Variants in C22orf15 observed in about 807,000 individuals in gnomAD.
C22orf15 encodes chromosome 22 open reading frame 15, also known as uncharacterized protein C22orf15.
Under a neutral mutation model 20.3 loss-of-function variants are expected in C22orf15, and 21 were observed. The observed-to-expected ratio is 1.04, with a 90% CI of 0.74 to 1.49. C22orf15 has a LOEUF of 1.49. C22orf15 is among the 40% of genes most tolerant of loss of function. The probability of loss-of-function intolerance (pLI) is 0.00; values close to 1 mark genes in which losing one functional copy is unlikely to be tolerated. For missense variants in C22orf15, 170 were observed against 191.1 expected (o/e 0.89, Z 0.65); for synonymous variants, 78 against 75.4 (o/e 1.03, Z -0.18).
At position 23,764,668 on chromosome 22, in the gene C22orf15, G is replaced by A. The variant is rs1926421441; in HGVS notation, c.280G>A (p.Glu94Lys). The change falls in exon 4 of 6, where the codon GAG (glutamate) becomes AAG (lysine). Residue 94 changes from glutamate (E) to lysine (K), a missense_variant. Physicochemically the swap from Glu to Lys is moderately conservative, Grantham distance 56. Coordinates refer to ENST00000402217, the MANE Select transcript of C22orf15 (RefSeq NM_182520.3). Reference protein sequence around the residue: ...KGEDMASTRYESLLENLDDHY... With the variant: ...KGEDMASTRYKSLLENLDDHY... ...AGAGGACATGGCCTCCACCCGCTATGAGTCCCTATTGGAGAACCTGGATGA... is the reference window on the plus strand; with the variant it reads ...AGAGGACATGGCCTCCACCCGCTATAAGTCCCTATTGGAGAACCTGGATGA... 1.2e-6 allele frequency: 2 copies of A among 1,614,066 alleles called. No individual in the cohort carries two copies. Among genetic ancestry groups the A allele is most frequent in the South Asian group, 2.2e-5 (2 of 91,096 alleles).
At chr22:23,765,268 C>A in intron 5 of C22orf15, 1 of 1,508,144 alleles carries the variant, frequency 6.6e-7, no homozygotes, top group Admixed American at 2.1e-5. Context: ...GTTTGAAGGG[C>A]TTGTTCTTCC....
At chr22:23,763,861 G>GAGTCACCACACATGGGAGAAA (rs1394833120) in intron 1 of C22orf15, among the ~76,000 whole-genome samples, 5 of 152,244 alleles carry the variant, frequency 3.3e-5, no homozygotes, top group African/African-American at 7.2e-5. Context: ...CAACACTTGG[G>GAGTCACCACACATGGGAGAAA]AGTCACCACA....
At chr22:23,765,122 G>T (rs944746515) in intron 5 of C22orf15, 3 of 1,434,880 alleles carry the variant, frequency 2.1e-6, no homozygotes, top group East Asian at 5.0e-5. Flanking sequence ...GAGTGCCAGC[G>T]CACTAAGGGC....
rs1005004159 is a variant in C22orf15 at position 23,764,217 on chromosome 22, C to T, written c.113-43C>T. The T allele has an allele frequency of 6.4e-6, 10 of 1,551,446 alleles. No individual in the cohort carries two copies. The African/African-American group carries it at 1.4e-4, about 21-fold the overall frequency. On this transcript the variant is annotated intron_variant, in intron 2 of 5. Transcript: ENST00000402217. ...GAAGGAGGGGCTGAGGGGTCCCAGG[C>T]AGGGGTGCCAGCCCTGCCCAGTCTC...
chr22:23,764,247 C>A lies in C22orf15; in HGVS notation c.113-13C>A, dbSNP rs1322517490. 1 of 1,551,616 alleles carries A rather than the reference C, an allele frequency of 6.4e-7. No individual in the cohort carries two copies. The highest frequency in any genetic ancestry group is 1.2e-5 in the South Asian group (1 of 84,064). On this transcript the variant is annotated splice_polypyrimidine_tract_variant and intron_variant, in intron 2 of 5. Coordinates refer to ENST00000402217, the MANE Select transcript of C22orf15 (RefSeq NM_182520.3). ...GTGCCAGCCCTGCCCAGTCTCTCTC[C>A]ATGTCCTCCCAGCGACCATTGCTCT...
In C22orf15 at chr22:23,764,389, G is replaced by T; in HGVS notation, c.242G>T (p.Arg81Leu). The change falls in exon 3 of 6, where the codon CGG (arginine) becomes CTG (leucine). Residue 81 changes from arginine (R) to leucine (L), a missense_variant. Transcript: ENST00000402217. ...GAGCGAGCCATATATGTCCTCGTTC[G>T]GATCATCAGTAAGGTGGCCCAAGGT... ...LKERAIYVLV[R>L]IIKGEDMAST... 1 of 1,559,422 alleles carries T rather than the reference G, an allele frequency of 6.4e-7. No individual in the cohort carries two copies. Among genetic ancestry groups the T allele is most frequent in the East Asian group, 2.4e-5 (1 of 41,256 alleles).
At chr22:23,764,962 T>C (rs1199774820) in intron 5 of C22orf15, 60 bp downstream of exon 5, 5 of 1,553,258 alleles carry the variant, frequency 3.2e-6, no homozygotes, top group Middle Eastern at 1.7e-4. Context: ...ACAGAGCAGA[T>C]TTGGACATCC....
Position 23,763,048 on chromosome 22 carries a change from G to A in C22orf15, c.-259G>A. ...CTTGGAAGCTTAGGGGAGCTGCTGT[G>A]GCCCAGGGCTCAGTGGGGAGGAAGA... On this transcript the variant is annotated 5_prime_UTR_variant, in exon 1 of 6. Transcript: ENST00000402217. 1.9e-6 allele frequency: 1 copy of A among 518,390 alleles called. No individual in the cohort carries two copies. The highest frequency in any genetic ancestry group is 3.3e-6 in the Non-Finnish European group (1 of 298,816). 32.1% of individuals were successfully genotyped at this position (518,390 alleles called of 1,614,324 possible).
Position 23,763,454 on chromosome 22 carries a change from G to A in C22orf15, c.25+123G>A, listed in dbSNP as rs1450185838. The A allele has an allele frequency of 1.0e-5, 11 of 1,099,470 alleles. No homozygotes were observed. In the East Asian group the frequency reaches 2.2e-4, roughly 22 times the overall value. 68.1% of individuals were successfully genotyped at this position (1,099,470 alleles called of 1,614,324 possible). A position where few individuals can be genotyped will look rare whatever the true frequency, so the allele number is the denominator to read the frequency against. ...GGGAAAGGGGGGTGGTGCACATGGC[G>A]GGGGTCGTCGGGGAAGCGGCTCTGT... On this transcript the variant is annotated intron_variant, in intron 1 of 5. Transcript: ENST00000402217.
Position 23,764,074 on chromosome 22 carries a change from C to T in C22orf15, c.26-13C>T, listed in dbSNP as rs1261336943. On this transcript the variant is annotated splice_polypyrimidine_tract_variant and intron_variant, in intron 1 of 5. Coordinates refer to ENST00000402217, the MANE Select transcript of C22orf15 (RefSeq NM_182520.3). The stretch of plus-strand genomic sequence containing the variant: ...AAGAGATCTCACAGGCTCACCTTTG[C>T]CCCTCTCCACAGCTGGCTGCTCGGT... 1 of 1,549,932 alleles carries T rather than the reference C, an allele frequency of 6.5e-7. No individual in the cohort carries two copies. The highest frequency in any genetic ancestry group is 2.4e-5 in the East Asian group (1 of 40,918).
At chr22:23,763,434 AG>A (rs371698198) in intron 1 of C22orf15, 103 bp downstream of exon 1, 11 of 801,096 alleles carry the variant, frequency 1.4e-5, no homozygotes, top group South Asian at 1.9e-5. Context: ...ATGGCGGGAA[AG>A]GGGGGTGGTG....
At position 23,764,185 on chromosome 22, in the gene C22orf15, G is replaced by C; in HGVS notation, c.112+12G>C. 1 of 1,551,702 alleles carries C rather than the reference G, an allele frequency of 6.4e-7. No individual in the cohort carries two copies. The highest frequency in any genetic ancestry group is 8.7e-7 in the Non-Finnish European group (1 of 1,146,976). The stretch of plus-strand genomic sequence containing the variant: ...GTTGCCCCCAGATGGTGAGGAGACA[G>C]GGAGGAGAAGGAGGGGCTGAGGGGT... On this transcript the variant is annotated intron_variant, in intron 2 of 5. Transcript: ENST00000402217.
chr22:23,765,567 G>A (rs1926660947), intron 5 of C22orf15, 154 bp from the exon 6 acceptor site: 7 of 1,528,640 alleles, frequency 4.6e-6, no homozygotes, highest in African/African-American at 1.4e-5. Flanking sequence ...TGATAAGGGG[G>A]AGACCATGGG....
intron 5 of C22orf15, chr22:23,765,307 C>T (rs1926593883): frequency 1.3e-6 from 2 of 1,540,308 alleles, no homozygotes; most frequent in East Asian, 2.5e-5. Flanking sequence ...ACCTGGCACA[C>T]TACTGCCAAC....
At chr22:23,764,043 G>T in intron 1 of C22orf15, 44 bp from the exon 2 acceptor site, 1 of 1,533,106 alleles carries the variant, frequency 6.5e-7, no homozygotes. Context: ...CGATTTGGAG[G>T]AAGGTAAGAG....
chr22:23,763,174 T>C lies in C22orf15; in HGVS notation c.-133T>C, dbSNP rs1925989280. ...GGGGCCTGGCCCTGGGACCCAGCCATCCACACTCACACATCCACTTCTCCC... is the reference window on the plus strand; with the variant it reads ...GGGGCCTGGCCCTGGGACCCAGCCACCCACACTCACACATCCACTTCTCCC... On this transcript the variant is annotated 5_prime_UTR_variant, in exon 1 of 6. Coordinates refer to ENST00000402217, the MANE Select transcript of C22orf15 (RefSeq NM_182520.3). 7 of 1,260,870 alleles carry C rather than the reference T, an allele frequency of 5.6e-6. No homozygotes were observed. In the South Asian group the frequency reaches 6.6e-5, roughly 12 times the overall value. 78.1% of individuals were successfully genotyped at this position (1,260,870 alleles called of 1,614,324 possible). A position where few individuals can be genotyped will look rare whatever the true frequency, so the allele number is the denominator to read the frequency against.
chr22:23,765,695 C>G, intron 5 of C22orf15, 26 bp from the exon 6 acceptor site: 1 of 1,546,546 alleles, frequency 6.5e-7, no homozygotes, highest in Non-Finnish European at 8.7e-7. Context: ...GTGCAGATTG[C>G]AACAGGGCTC....
Position 23,763,245 on chromosome 22 carries a change from T to A in C22orf15, c.-62T>A. 1 of 1,545,032 alleles carries A rather than the reference T, an allele frequency of 6.5e-7. No homozygotes were observed. The highest frequency in any genetic ancestry group is 8.8e-7 in the Non-Finnish European group (1 of 1,142,620). On this transcript the variant is annotated 5_prime_UTR_variant, in exon 1 of 6. Transcript: ENST00000402217. ...CAGGTCTCTGCTCCACGCTTTTCCT[T>A]AGTTGGGGAATCGAGAGTTGGGGGA...
In C22orf15 at chr22:23,763,209, C is replaced by A; in HGVS notation, c.-98C>A. 1.3e-6 allele frequency: 2 copies of A among 1,499,406 alleles called. No homozygotes were observed. Among genetic ancestry groups the A allele is most frequent in the East Asian group, 5.0e-5 (2 of 40,074 alleles). 92.9% of individuals were successfully genotyped at this position (1,499,406 alleles called of 1,614,324 possible). A position where few individuals can be genotyped will look rare whatever the true frequency, so the allele number is the denominator to read the frequency against. The stretch of plus-strand genomic sequence containing the variant: ...CACATCCACTTCTCCCTCCAGAGCC[C>A]GGCCCTGAAGCAGGTCTCTGCTCCA... On this transcript the variant is annotated 5_prime_UTR_variant, in exon 1 of 6. Transcript: ENST00000402217.
Sources: allele counts gnomAD v4.1 joint callset (sites outside exome capture counted in the v4.1 genomes callset), GRCh38; gene constraint gnomAD v4.1.1; transcripts MANE v1.5; gene names NCBI Gene and HGNC (gene_info 2026-07-23, HGNC 2026-07-21).